MYRFL: variants seen among roughly 807,000 people sequenced by gnomAD.
MYRFL encodes myelin regulatory factor-like protein.
In MYRFL, 88 loss-of-function variants were observed where a neutral mutation model predicts 109.4. The observed-to-expected ratio is 0.80, with a 90% confidence interval of 0.68 to 0.96. MYRFL has a LOEUF of 0.96. Among genes scored for constraint, MYRFL ranks in the 40% least tolerant of loss-of-function variants. MYRFL has a pLI of 0.00. For missense variants in MYRFL, 957 were observed against 954.9 expected, an observed-to-expected ratio of 1.00 and a Z score of -0.03; for synonymous variants, 324 against 320.9, an observed-to-expected ratio of 1.01 and a Z score of -0.10.
intron 14 of MYRFL, among the ~76,000 whole-genome samples, chr12:69,927,268 A>G: frequency 6.6e-6 from 1 of 152,116 alleles, no homozygotes; most frequent in Non-Finnish European, 1.5e-5. Context: ...AAAAGTGGAA[A>G]AAAACCATGA....
intron 21 of MYRFL, among the ~76,000 whole-genome samples, chr12:69,955,053 C>A (rs753124057): frequency 4.6e-5 from 7 of 152,112 alleles, no homozygotes; most frequent in Non-Finnish European, 1.0e-4. Context: ...GGACTAAAGT[C>A]ATTTCCTGTG....
At chr12:69,943,927 GA>G (rs1414441206) in intron 19 of MYRFL, among the ~76,000 whole-genome samples, 1 of 151,188 alleles carries the variant, frequency 6.6e-6, no homozygotes, top group Non-Finnish European at 1.5e-5. Context: ...AAAAACACAT[GA>G]AAAAATGCTC....
chr12:69,948,560 C>A (rs150897652), intron 19 of MYRFL, among the ~76,000 whole-genome samples: 1 of 152,264 alleles, frequency 6.6e-6, no homozygotes, highest in Middle Eastern at 3.4e-3. Flanking sequence ...TCTCTTTATG[C>A]CTCATTTGCG....
intron 5 of MYRFL, among the ~76,000 whole-genome samples, chr12:69,882,395 A>G (rs1352409466): frequency 6.6e-6 from 1 of 152,218 alleles, no homozygotes; most frequent in African/African-American, 2.4e-5. Context: ...TTTTAGCGAA[A>G]GTTTTCTAGT....
intron 6 of MYRFL, among the ~76,000 whole-genome samples, chr12:69,888,005 C>T (rs1338042743): frequency 6.6e-6 from 1 of 152,194 alleles, no homozygotes; most frequent in African/African-American, 2.4e-5. Context: ...ATGAAACTGT[C>T]ACACGCAGGC....
At chr12:69,946,247 C>T (rs1372548967) in intron 19 of MYRFL, among the ~76,000 whole-genome samples, 1 of 152,004 alleles carries the variant, frequency 6.6e-6, no homozygotes, top group Non-Finnish European at 1.5e-5. Context: ...CTGTGTCCAC[C>T]TAGACAGAAC....
At chr12:69,957,984 T>C (rs1240678743) in intron 23 of MYRFL, 42 bp downstream of exon 23, 4 of 1,508,168 alleles carry the variant, frequency 2.7e-6, no homozygotes, top group African/African-American at 1.4e-5. Flanking sequence ...GAGAGAGGGA[T>C]ACATTGAGCA....
intron 1 of MYRFL, among the ~76,000 whole-genome samples, chr12:69,842,200 C>T (rs1007285234): frequency 6.6e-6 from 1 of 152,212 alleles, no homozygotes; most frequent in Non-Finnish European, 1.5e-5. Context: ...ATGTCCTTGA[C>T]TAGTCTCTTT....
intron 19 of MYRFL, among the ~76,000 whole-genome samples, chr12:69,945,018 GA>G (rs1033107200): frequency 6.6e-5 from 10 of 151,266 alleles, no homozygotes; most frequent in South Asian, 2.1e-4. Flanking sequence ...TTTAAAATGT[GA>G]AAAAAAATTA....
At chr12:69,867,367 T>A (rs1472952203) in intron 2 of MYRFL, among the ~76,000 whole-genome samples, 1 of 152,108 alleles carries the variant, frequency 6.6e-6, no homozygotes, top group African/African-American at 2.4e-5. Flanking sequence ...AAGGTAAGGG[T>A]CTAGAAAAGA....
At chr12:69,853,599 C>T (rs569108426) in intron 1 of MYRFL, among the ~76,000 whole-genome samples, 1 of 148,912 alleles carries the variant, frequency 6.7e-6, no homozygotes, top group South Asian at 2.2e-4. Flanking sequence ...GACGGGATGG[C>T]GGCTGGGAAG....
At chr12:69,889,814 G>A (rs770395458) in intron 6 of MYRFL, among the ~76,000 whole-genome samples, 4 of 152,038 alleles carry the variant, frequency 2.6e-5, no homozygotes, top group South Asian at 2.1e-4. Context: ...CTGAGATCAC[G>A]CCACTGCACT....
At chr12:69,926,287 A>T (rs1289951585) in intron 13 of MYRFL, among the ~76,000 whole-genome samples, 1 of 152,020 alleles carries the variant, frequency 6.6e-6, no homozygotes. Context: ...TAAATCTTTC[A>T]ATTCCAGATT....
At chr12:69,910,136 C>T (rs1954509371) in intron 12 of MYRFL, 59 bp downstream of exon 12, 1 of 1,168,440 alleles carries the variant, frequency 8.6e-7, no homozygotes. Flanking sequence ...TTTTAATTAC[C>T]TCTTTATTTT....
chr12:69,841,614 G>C (rs999274931), intron 1 of MYRFL, among the ~76,000 whole-genome samples: 86 of 152,142 alleles, frequency 5.7e-4, no homozygotes, highest in African/African-American at 2.0e-3. Flanking sequence ...ACCACACCAG[G>C]TCAGACTTTC....
intron 2 of MYRFL, among the ~76,000 whole-genome samples, chr12:69,856,462 C>T (rs973020899): frequency 6.6e-6 from 1 of 152,038 alleles, no homozygotes; most frequent in Non-Finnish European, 1.5e-5. Context: ...GTAAGTTTAA[C>T]TGTAAAAATA....
chr12:69,910,726 C>A (rs373272253), intron 12 of MYRFL, 95 bp from the exon 13 acceptor site: 6 of 777,592 alleles, frequency 7.7e-6, no homozygotes, highest in Non-Finnish European at 1.2e-5. Context: ...TTCTTTGCTG[C>A]AAATGTATTG....
At chr12:69,891,605 C>CTTTCTTTCTT (rs1555249258) in intron 7 of MYRFL, among the ~76,000 whole-genome samples, 25 of 53,154 alleles carry the variant, frequency 4.7e-4, no homozygotes, top group East Asian at 9.6e-4. Flanking sequence ...TTCTTTCTTT[C>CTTTCTTTCTT]TCTTTCTTTC....
chr12:69,861,353 C>A (rs1884650095), intron 2 of MYRFL, among the ~76,000 whole-genome samples: 1 of 152,190 alleles, frequency 6.6e-6, no homozygotes, highest in Non-Finnish European at 1.5e-5. Context: ...AACTAGTTTA[C>A]ATTCCTACCA....
Sources: gnomAD v4.1 joint callset for allele counts (sites outside exome capture counted in the v4.1 genomes callset) on GRCh38, gnomAD v4.1.1 for gene constraint, MANE v1.5 for transcripts, NCBI Gene and HGNC (gene_info 2026-07-23, HGNC 2026-07-21) for gene names.